LIFR: variants seen among roughly 807,000 people sequenced by gnomAD.
The protein encoded by LIFR is leukemia inhibitory factor receptor.
LIFR carries 84 observed loss-of-function variants against 122.2 expected under a neutral mutation model. The ratio of observed to expected loss-of-function variants is 0.69; its 90% confidence interval spans 0.58 to 0.82. The LOEUF is 0.82. Ranked by LOEUF, LIFR falls within the 40% of genes least tolerant of loss-of-function variation. The pLI is 0.00. For missense variants in LIFR, 1,294 were observed against 1,311.6 expected (o/e 0.99, Z 0.21); for synonymous variants, 422 against 434.7 (o/e 0.97, Z 0.36).
chr5:38,513,298 C>T (rs1745903199), intron 5 of LIFR, among the ~76,000 whole-genome samples: 1 of 152,196 alleles, frequency 6.6e-6, no homozygotes, highest in African/African-American at 2.4e-5. Context: ...AGGAAAACAG[C>T]TTGTTTCTAT....
chr5:38,568,894 T>A (rs1355193788), intron 1 of LIFR, among the ~76,000 whole-genome samples: 2 of 152,180 alleles, frequency 1.3e-5, no homozygotes, highest in Non-Finnish European at 2.9e-5. Flanking sequence ...GAGAAAGAAG[T>A]TCAACTACAA....
At chr5:38,484,651 A>G in intron 18 of LIFR, 124 bp downstream of exon 18, 1 of 696,650 alleles carries the variant, frequency 1.4e-6, no homozygotes, top group Non-Finnish European at 2.6e-6. Flanking sequence ...TTCTAATTAA[A>G]ACATTTTTTA....
intron 5 of LIFR, among the ~76,000 whole-genome samples, chr5:38,516,803 C>T (rs1746107488): frequency 6.6e-6 from 1 of 152,090 alleles, no homozygotes; most frequent in Admixed American, 6.6e-5. Context: ...ACTTGGAACC[C>T]ACCCAAACAC....
intron 11 of LIFR, among the ~76,000 whole-genome samples, chr5:38,501,617 T>C (rs1300356424): frequency 6.6e-6 from 1 of 152,066 alleles, no homozygotes. Context: ...CCGGGCGTGG[T>C]GGTGGGGCCC....
chr5:38,554,495 A>G (rs1748408639), intron 1 of LIFR, among the ~76,000 whole-genome samples: 2 of 152,258 alleles, frequency 1.3e-5, no homozygotes. Flanking sequence ...TGAAGAGATT[A>G]AATAAATTAT....
Position 38,506,040 on chromosome 5 carries a change from C to T in LIFR, c.1156G>A (p.Glu386Lys). ...TGATAGCTTTCGTTTGTAGGTGCTT[C>T]AGCTCTTTTAAGTCTAACATATTTT... ...SGKYVRLKRA[E>K]APTNESYQLL... Residue 386 changes from glutamate (E) to lysine (K), a missense_variant, in exon 9 of 20, where the codon GAA becomes AAA. By Grantham distance (56) the Glu-to-Lys change is moderately conservative. Coordinates refer to ENST00000453190, the MANE Select transcript of LIFR (RefSeq NM_001127671.2). 3 of 1,602,706 alleles carry T rather than the reference C, an allele frequency of 1.9e-6. No individual in the cohort carries two copies. The highest frequency in any genetic ancestry group is 2.6e-6 in the Non-Finnish European group (3 of 1,172,984).
At chr5:38,595,069 G>C (rs999110949) in intron 1 of LIFR, 4 of 178,020 alleles carry the variant, frequency 2.2e-5, no homozygotes, top group Non-Finnish European at 4.8e-5. Context: ...AGAAAGTCTG[G>C]GTAAGTACAG....
intron 1 of LIFR, among the ~76,000 whole-genome samples, chr5:38,573,759 T>G (rs1749291324): frequency 6.6e-6 from 1 of 152,202 alleles, no homozygotes. Context: ...TGCACTTTCC[T>G]GATTTTGTCA....
Position 38,493,696 on chromosome 5 carries a change from T to A in LIFR, c.1975A>T (p.Ile659Phe). ...GACCGAGACGAGTTACACCACTTAATGACGTAGTCGCAAGTCATGTTGGGG... is the reference window on the plus strand; with the variant it reads ...GACCGAGACGAGTTACACCACTTAAAGACGTAGTCGCAAGTCATGTTGGGG... ...YDPNMTCDYVIKWCNSSRSEP... is the reference protein window; with the variant it reads ...YDPNMTCDYVFKWCNSSRSEP... The change falls in exon 14 of 20, where the codon ATT becomes TTT. Residue 659 changes from isoleucine (I) to phenylalanine (F), a missense_variant. Coordinates refer to ENST00000453190, the MANE Select transcript of LIFR (RefSeq NM_001127671.2). 3.1e-6 allele frequency: 5 copies of A among 1,614,222 alleles called. No homozygotes were observed. The highest frequency in any genetic ancestry group is 4.2e-6 in the Non-Finnish European group (5 of 1,180,018).
At chr5:38,548,757 T>C (rs990979961) in intron 1 of LIFR, among the ~76,000 whole-genome samples, 25 of 152,216 alleles carry the variant, frequency 1.6e-4, no homozygotes, top group African/African-American at 6.0e-4. Context: ...GTATTGGCAA[T>C]GGAAGGCATT....
intron 5 of LIFR, among the ~76,000 whole-genome samples, chr5:38,514,950 C>A (rs928117532): frequency 1.3e-5 from 2 of 152,216 alleles, no homozygotes; most frequent in East Asian, 1.9e-4. Context: ...TGGAAGCAAT[C>A]CCCCAAAAGA....
intron 1 of LIFR, among the ~76,000 whole-genome samples, chr5:38,576,371 A>G (rs1162267624): frequency 4.6e-5 from 7 of 152,168 alleles, no homozygotes; most frequent in Middle Eastern, 3.2e-3. Context: ...ATGCCTTTCA[A>G]TTTCTTACAG....
At chr5:38,522,752 A>C (rs1278222286) in intron 5 of LIFR, among the ~76,000 whole-genome samples, 2 of 152,158 alleles carry the variant, frequency 1.3e-5, no homozygotes, top group East Asian at 3.8e-4. Context: ...TATTATCTTT[A>C]CTATTTTATC....
rs1335235016 is a variant in LIFR, at chr5:38,477,454, G to A, written c.*4141C>T. The A allele has an allele frequency of 4.7e-6, 1 of 214,812 alleles. No homozygotes were observed. Among genetic ancestry groups the A allele is most frequent in the African/African-American group, 2.3e-5 (1 of 44,332 alleles). The allele number at this position is 214,812 out of a possible 1,614,324, so 13.3% of individuals were successfully genotyped here. ...GCTTTCAAGAAATAGTTTATCAAGA[G>A]AATGAGTTCTGAATCAGTTAACCTC... On this transcript the variant is annotated 3_prime_UTR_variant, in exon 20 of 20. Coordinates refer to ENST00000453190, the MANE Select transcript of LIFR (RefSeq NM_001127671.2).
chr5:38,497,432 G>A (rs1348492068), intron 12 of LIFR, among the ~76,000 whole-genome samples: 1 of 152,146 alleles, frequency 6.6e-6, no homozygotes, highest in Non-Finnish European at 1.5e-5. Context: ...AAAATTAAGT[G>A]AATAAAAAAC....
At chr5:38,565,562 A>AATATACCTCTG (rs1306304169) in intron 1 of LIFR, among the ~76,000 whole-genome samples, 2 of 152,068 alleles carry the variant, frequency 1.3e-5, no homozygotes, top group African/African-American at 4.8e-5. Flanking sequence ...AAGTGGATAA[A>AATATACCTCTG]ATATACCTCT....
rs60287085 is a variant in LIFR at position 38,479,725 on chromosome 5, C to T, written c.*1870G>A. On this transcript the variant is annotated 3_prime_UTR_variant, in exon 20 of 20. Transcript: ENST00000453190. ...AGCTTTGGCAGGGAGAGAAGGCAGC[C>T]CCAGGTCTGATGTCTGGGGTGGAAG... 4,911 of 231,600 alleles carry T rather than the reference C, an allele frequency of 0.021. 574 individuals carry two copies. In the East Asian group the frequency reaches 0.26, roughly 12 times the overall value. The allele number at this position is 231,600 out of a possible 1,614,324, so 14.3% of individuals were successfully genotyped here.
At chr5:38,531,204 G>A (rs1036401944) in intron 1 of LIFR, among the ~76,000 whole-genome samples, 3 of 152,070 alleles carry the variant, frequency 2.0e-5, no homozygotes, top group African/African-American at 4.8e-5. Flanking sequence ...GTTGCACATT[G>A]GACATTTAGG....
intron 1 of LIFR, among the ~76,000 whole-genome samples, chr5:38,588,563 A>G (rs1749822978): frequency 6.6e-6 from 1 of 152,188 alleles, no homozygotes; most frequent in Non-Finnish European, 1.5e-5. Flanking sequence ...TAAATGTTAC[A>G]TGTGGTTGGA....
Sources: allele counts gnomAD v4.1 joint callset (sites outside exome capture counted in the v4.1 genomes callset), GRCh38; gene constraint gnomAD v4.1.1; transcripts MANE v1.5; gene names NCBI Gene and HGNC (gene_info 2026-07-23, HGNC 2026-07-21).